FCHSD2: variants seen among roughly 807,000 people sequenced by gnomAD.
The protein encoded by FCHSD2 is FCH and double SH3 domains 2, also known as F-BAR and double SH3 domains protein 2.
Under a neutral mutation model 108.1 loss-of-function variants are expected in FCHSD2, and 38 were observed. That is an observed-to-expected ratio of 0.35 (90% confidence interval 0.27 to 0.46). FCHSD2 has a LOEUF of 0.46. Among genes scored for constraint, FCHSD2 ranks in the 20% least tolerant of loss-of-function variants. The pLI, the probability that FCHSD2 is intolerant of heterozygous loss-of-function variation, is 1.00. For missense variants in FCHSD2, 751 were observed against 897.8 expected, an observed-to-expected ratio of 0.84 and a Z score of 2.09; for synonymous variants, 279 against 314.7, an observed-to-expected ratio of 0.89 and a Z score of 1.20.
At chr11:72,956,611 G>A (rs1371657942) in intron 8 of FCHSD2, among the ~76,000 whole-genome samples, 1 of 152,136 alleles carries the variant, frequency 6.6e-6, no homozygotes, top group Non-Finnish European at 1.5e-5. Flanking sequence ...CCCACTTCCT[G>A]GATCATGGAC....
At chr11:72,841,723 C>A in intron 17 of FCHSD2, 140 bp from the exon 18 acceptor site, 1 of 852,986 alleles carries the variant, frequency 1.2e-6, no homozygotes, top group Non-Finnish European at 1.7e-6. Flanking sequence ...TTAGAGGCAA[C>A]TGAGCATTAA....
chr11:73,052,643 A>G (rs921678745), intron 3 of FCHSD2, among the ~76,000 whole-genome samples: 2 of 152,206 alleles, frequency 1.3e-5, no homozygotes, highest in South Asian at 2.1e-4. Flanking sequence ...GCAAGATAAA[A>G]AAGTTTGGTC....
intron 13 of FCHSD2, among the ~76,000 whole-genome samples, chr11:72,859,920 T>C (rs1376083341): frequency 1.3e-5 from 2 of 152,092 alleles, no homozygotes; most frequent in Non-Finnish European, 2.9e-5. Flanking sequence ...AGAACAGCTG[T>C]CCCCAATCTT....
intron 10 of FCHSD2, among the ~76,000 whole-genome samples, chr11:72,897,075 C>T (rs988862084): frequency 1.3e-5 from 2 of 152,110 alleles, no homozygotes; most frequent in Admixed American, 1.3e-4. Flanking sequence ...ATCCGCCCAT[C>T]TCAGCTCTCA....
intron 1 of FCHSD2, 107 bp downstream of exon 1, chr11:73,141,750 G>A: frequency 3.3e-6 from 4 of 1,214,082 alleles, no homozygotes; most frequent in Non-Finnish European, 4.6e-6. Context: ...CCAAGACGAG[G>A]GCGGTCACGG....
At chr11:72,881,877 C>T (rs1855095114) in intron 12 of FCHSD2, among the ~76,000 whole-genome samples, 1 of 152,156 alleles carries the variant, frequency 6.6e-6, no homozygotes, top group Admixed American at 6.5e-5. Context: ...TGCGGTGGCT[C>T]ACGCCTGTAA....
intron 8 of FCHSD2, among the ~76,000 whole-genome samples, chr11:72,980,218 A>T (rs1857186854): frequency 6.6e-6 from 1 of 152,182 alleles, no homozygotes; most frequent in South Asian, 2.1e-4. Context: ...GAGGGGGGAA[A>T]AGTTGAAATA....
At chr11:73,085,785 G>T (rs191478698) in intron 2 of FCHSD2, among the ~76,000 whole-genome samples, 1 of 151,814 alleles carries the variant, frequency 6.6e-6, no homozygotes, top group Admixed American at 6.6e-5. Flanking sequence ...TGGTATTCTG[G>T]TTCAAGTTGA....
At chr11:72,908,781 C>G (rs1855687531) in intron 9 of FCHSD2, among the ~76,000 whole-genome samples, 1 of 152,148 alleles carries the variant, frequency 6.6e-6, no homozygotes, top group Admixed American at 6.5e-5. Flanking sequence ...ATCCTCCCAT[C>G]TCAGCCTCCT....
At chr11:73,070,857 A>T (rs1859420070) in intron 3 of FCHSD2, among the ~76,000 whole-genome samples, 1 of 152,174 alleles carries the variant, frequency 6.6e-6, no homozygotes, top group South Asian at 2.1e-4. Flanking sequence ...AGCATACCTC[A>T]GTAAAAGCAG....
intron 2 of FCHSD2, among the ~76,000 whole-genome samples, chr11:73,099,445 A>G (rs1242633006): frequency 1.3e-5 from 2 of 152,244 alleles, no homozygotes; most frequent in South Asian, 2.1e-4. Context: ...TTCCACCCCA[A>G]GGTATATACT....
intron 4 of FCHSD2, among the ~76,000 whole-genome samples, chr11:73,006,097 T>C (rs539067960): frequency 6.6e-6 from 1 of 151,810 alleles, no homozygotes; most frequent in East Asian, 1.9e-4. Flanking sequence ...ATAAAAATAG[T>C]ATCTCACTTT....
At chr11:73,008,742 T>C (rs921460627) in intron 4 of FCHSD2, among the ~76,000 whole-genome samples, 2 of 152,184 alleles carry the variant, frequency 1.3e-5, no homozygotes, top group African/African-American at 4.8e-5. Flanking sequence ...AGGCCTGTTT[T>C]ACAAAGATAT....
At chr11:73,108,084 G>A (rs1399704947) in intron 2 of FCHSD2, among the ~76,000 whole-genome samples, 2 of 149,708 alleles carry the variant, frequency 1.3e-5, no homozygotes, top group African/African-American at 5.1e-5. Flanking sequence ...GTTTGTTACT[G>A]TCTGTCTTTT....
chr11:73,007,283 C>A (rs577894014), intron 4 of FCHSD2, among the ~76,000 whole-genome samples: 117 of 152,038 alleles, frequency 7.7e-4, no homozygotes, highest in Non-Finnish European at 1.5e-3. Context: ...TATAAGATAT[C>A]TAGGAAAACC....
intron 2 of FCHSD2, among the ~76,000 whole-genome samples, chr11:73,104,087 CATCTT>C (rs2135535854): frequency 6.6e-6 from 1 of 152,364 alleles, no homozygotes; most frequent in South Asian, 2.1e-4. Flanking sequence ...GCACAGAACT[CATCTT>C]AAATGCAGGC....
At chr11:73,032,092 C>A (rs1858374295) in intron 3 of FCHSD2, among the ~76,000 whole-genome samples, 1 of 151,822 alleles carries the variant, frequency 6.6e-6, no homozygotes, top group African/African-American at 2.4e-5. Flanking sequence ...ATATAAGCTG[C>A]AGAAAAATGA....
intron 12 of FCHSD2, among the ~76,000 whole-genome samples, chr11:72,876,928 T>C (rs1448629050): frequency 6.6e-6 from 1 of 152,184 alleles, no homozygotes; most frequent in African/African-American, 2.4e-5. Flanking sequence ...CTTTTTAATA[T>C]TCCTTGTCCT....
At chr11:72,963,691 AG>A (rs1338490031) in intron 8 of FCHSD2, among the ~76,000 whole-genome samples, 2 of 152,222 alleles carry the variant, frequency 1.3e-5, no homozygotes, top group East Asian at 3.8e-4. Context: ...AGATTCTCAT[AG>A]GGAGTGTGCA....
Sources: allele counts gnomAD v4.1 joint callset (sites outside exome capture counted in the v4.1 genomes callset), GRCh38; gene constraint gnomAD v4.1.1; transcripts MANE v1.5; gene names NCBI Gene and HGNC (gene_info 2026-07-23, HGNC 2026-07-21).